PSD3: variants seen among roughly 807,000 people sequenced by gnomAD.
PSD3 encodes pleckstrin and Sec7 domain containing 3, also known as PH and SEC7 domain-containing protein 3.
PSD3 carries 49 observed loss-of-function variants against 105.5 expected under a neutral mutation model. That is an observed-to-expected ratio of 0.46 (90% CI 0.37 to 0.59). The LOEUF is 0.59. PSD3 is among the 20% of genes least tolerant of loss of function. The pLI, the probability that PSD3 is intolerant of heterozygous loss-of-function variation, is 0.00. For synonymous variants in PSD3, 557 were observed against 457.8 expected, an observed-to-expected ratio of 1.22 and a Z score of -2.77; for missense variants, 1,561 against 1,263.8, an observed-to-expected ratio of 1.24 and a Z score of -3.57.
rs552777279 is a variant in PSD3, at chr8:18,535,081, T to A, written c.*662A>T. On this transcript the variant is annotated 3_prime_UTR_variant, in exon 16 of 16. Transcript: ENST00000327040. ...TCCTCTTTCCCTTGCTTGGCTGAAA[T>A]GGAATCAGCACTTCAAGCAAGCTAA... The A allele has an allele frequency of 6.5e-6, 1 of 152,690 alleles. No individual in the cohort carries two copies. Among genetic ancestry groups the A allele is most frequent in the African/African-American group, 2.4e-5 (1 of 41,472 alleles). 9.5% of individuals were successfully genotyped at this position (152,690 alleles called of 1,614,324 possible). A position where few individuals can be genotyped will look rare whatever the true frequency, so the allele number is the denominator to read the frequency against.
intron 8 of PSD3, among the ~76,000 whole-genome samples, chr8:18,795,023 CAAT>C (rs1271752174): frequency 6.6e-6 from 1 of 152,132 alleles, no homozygotes; most frequent in African/African-American, 2.4e-5. Flanking sequence ...AAAGCCAATG[CAAT>C]AATTAAGTTT....
At chr8:18,899,447 C>T (rs796367585) in intron 2 of PSD3, among the ~76,000 whole-genome samples, 3 of 152,250 alleles carry the variant, frequency 2.0e-5, no homozygotes, top group African/African-American at 4.8e-5. Flanking sequence ...GAATCTTCAA[C>T]GATGCAATCT....
In PSD3 at chr8:19,013,543, G is replaced by C. The variant is rs758984379; in HGVS notation, c.21+20C>G. 1 of 1,570,506 alleles carries C rather than the reference G, an allele frequency of 6.4e-7. No individual in the cohort carries two copies. Among genetic ancestry groups the C allele is most frequent in the Non-Finnish European group, 8.6e-7 (1 of 1,166,824 alleles). On this transcript the variant is annotated intron_variant, in intron 1 of 15. Coordinates refer to ENST00000327040, the MANE Select transcript of PSD3 (RefSeq NM_015310.4). ...CGCCGCGTGCGCACCCCGCGCCCGCGCCCCGGCCCCGGAGCTCACCGCTGC... is the reference window on the plus strand; with the variant it reads ...CGCCGCGTGCGCACCCCGCGCCCGCCCCCCGGCCCCGGAGCTCACCGCTGC...
At chr8:18,606,149 A>T (rs1804810396) in intron 11 of PSD3, among the ~76,000 whole-genome samples, 1 of 152,198 alleles carries the variant, frequency 6.6e-6, no homozygotes, top group African/African-American at 2.4e-5. Flanking sequence ...ACCTGTAGAC[A>T]TTATAACTTT....
intron 1 of PSD3, among the ~76,000 whole-genome samples, chr8:19,020,504 C>A (rs77324299): frequency 0.032 from 4,941 of 152,046 alleles, 130 homozygotes; most frequent in Middle Eastern, 0.12. Context: ...TCAGAGATGT[C>A]GTAAGTGGGA....
chr8:18,772,219 G>T (rs2129444430), intron 8 of PSD3, among the ~76,000 whole-genome samples: 1 of 152,234 alleles, frequency 6.6e-6, no homozygotes, highest in South Asian at 2.1e-4. Flanking sequence ...TCAAAATCCA[G>T]CTTTAAACTT....
intron 1 of PSD3, among the ~76,000 whole-genome samples, chr8:18,970,101 G>A (rs2059644): frequency 0.14 from 20,825 of 151,396 alleles, 1,507 homozygotes; most frequent in Non-Finnish European, 0.17. Flanking sequence ...CAAGTTGGGC[G>A]GATCACGAGG....
chr8:18,970,345 A>AAAAAAAAAG (rs1563474706), intron 1 of PSD3, among the ~76,000 whole-genome samples: 4 of 145,130 alleles, frequency 2.8e-5, no homozygotes, highest in East Asian at 2.0e-4. Context: ...AAAAAAAAAA[A>AAAAAAAAAG]AAACAAAGAA....
Position 18,655,328 on chromosome 8 carries a change from C to CAAA in PSD3, c.2216+311_2216+313dup, listed in dbSNP as rs35143136. Among the ~76,000 whole-genome samples the CAAA allele has an allele frequency of 3.4e-3, 336 of 100,118 alleles. 1 individual carries two copies. Among genetic ancestry groups the CAAA allele is most frequent in the African/African-American group, 0.011 (308 of 28,460 alleles). The allele number at this position is 100,118 out of a possible 152,430, so 65.7% of individuals were successfully genotyped here. On this transcript the variant is annotated intron_variant, in intron 10 of 15. Coordinates refer to ENST00000327040, the MANE Select transcript of PSD3 (RefSeq NM_015310.4). ...TGGGCGACAAAGCCAGACTCCACCT[C>CAAA]AAAAAAAAAAAAAAAAAAATTAAAA... is the stretch of plus-strand genomic sequence containing the variant.
intron 14 of PSD3, among the ~76,000 whole-genome samples, chr8:18,560,326 A>G (rs1277716317): frequency 6.6e-6 from 1 of 152,204 alleles, no homozygotes; most frequent in African/African-American, 2.4e-5. Flanking sequence ...CATTTGTAAT[A>G]GACACGATGA....
At chr8:18,624,720 A>C (rs1011973105) in intron 11 of PSD3, among the ~76,000 whole-genome samples, 5 of 152,028 alleles carry the variant, frequency 3.3e-5, no homozygotes, top group African/African-American at 1.2e-4. Flanking sequence ...TAATGAAAAA[A>C]AAAATTTCTT....
chr8:18,605,953 G>A (rs975567560), intron 11 of PSD3, among the ~76,000 whole-genome samples: 9 of 152,110 alleles, frequency 5.9e-5, no homozygotes, highest in Non-Finnish European at 1.0e-4. Context: ...TTCCTGTATA[G>A]CCTGTGGATC....
At chr8:18,695,673 C>T (rs535904126) in intron 9 of PSD3, among the ~76,000 whole-genome samples, 5 of 152,164 alleles carry the variant, frequency 3.3e-5, no homozygotes, top group Admixed American at 1.3e-4. Flanking sequence ...CCAATCTCAA[C>T]GGTTTTGCTC....
At chr8:19,059,622 T>A (rs1828828922) in intron 1 of PSD3, among the ~76,000 whole-genome samples, 1 of 152,182 alleles carries the variant, frequency 6.6e-6, no homozygotes, top group Admixed American at 6.5e-5. Context: ...AGAACAAAAG[T>A]TTGCTATCAG....
At chr8:18,800,988 A>T in intron 7 of PSD3, 1 of 196,150 alleles carries the variant, frequency 5.1e-6, no homozygotes, top group Non-Finnish European at 1.0e-5. Flanking sequence ...TAATTTAAGT[A>T]AGAGTAGAGG....
rs530274440 is a variant in PSD3, at chr8:19,044,287, C to G, written c.324+39919G>C. On this transcript the variant is annotated intron_variant, in intron 1 of 1. Transcript: ENST00000521475. The stretch of plus-strand genomic sequence containing the variant: ...TCCGGTCTCCTAGCTGCTTTTTCTC[C>G]TCAATCCACGCTATTTACTAATGCC... Among the ~76,000 whole-genome samples, 6 of 152,280 alleles carry G rather than the reference C, an allele frequency of 3.9e-5. No individual in the cohort carries two copies. The South Asian group carries it at 1.0e-3, about 26-fold the overall frequency.
At chr8:18,833,679 A>G (rs1813864186) in intron 4 of PSD3, among the ~76,000 whole-genome samples, 2 of 152,206 alleles carry the variant, frequency 1.3e-5, no homozygotes, top group Non-Finnish European at 2.9e-5. Flanking sequence ...ATCTAGTCAG[A>G]ATAATTATCA....
chr8:18,780,407 G>A (rs1445122785), intron 8 of PSD3, among the ~76,000 whole-genome samples: 6 of 151,750 alleles, frequency 4.0e-5, no homozygotes, highest in African/African-American at 1.5e-4. Context: ...AATTTAAACT[G>A]TTTACATTCA....
chr8:18,752,610 TACATATAA>T (rs1805676152), intron 9 of PSD3, among the ~76,000 whole-genome samples: 1 of 71,156 alleles, frequency 1.4e-5, no homozygotes, highest in African/African-American at 7.1e-5. Context: ...TTATATATAA[TACATATAA>T]TATATATTAT....
Sources: allele counts gnomAD v4.1 joint callset (sites outside exome capture counted in the v4.1 genomes callset), GRCh38; gene constraint gnomAD v4.1.1; transcripts MANE v1.5; gene names NCBI Gene and HGNC (gene_info 2026-07-23, HGNC 2026-07-21).